PRKAA2: variants seen among roughly 807,000 people sequenced by gnomAD.
The protein encoded by PRKAA2 is 5'-AMP-activated protein kinase catalytic subunit alpha-2.
PRKAA2 carries 40 observed loss-of-function variants against 56.3 expected under a neutral mutation model. The observed-to-expected ratio is 0.71, with a 90% CI of 0.55 to 0.92. PRKAA2 has a LOEUF of 0.92. Among genes scored for constraint, PRKAA2 ranks in the 40% least tolerant of loss-of-function variants. The probability of loss-of-function intolerance (pLI) is 0.00; values close to 1 mark genes in which losing one functional copy is unlikely to be tolerated. For missense variants in PRKAA2, 542 were observed against 686.9 expected (o/e 0.79, Z 2.36); for synonymous variants, 214 against 234.2 (o/e 0.91, Z 0.79).
At chr1:56,689,838 A>T (rs1644215035) in intron 2 of PRKAA2, among the ~76,000 whole-genome samples, 2 of 151,236 alleles carry the variant, frequency 1.3e-5, no homozygotes, top group Admixed American at 6.6e-5. Flanking sequence ...AATAAAGCTA[A>T]TTTTTTTTCT....
chr1:56,658,686 A>G (rs1447859817), intron 1 of PRKAA2, among the ~76,000 whole-genome samples: 2 of 147,260 alleles, frequency 1.4e-5, no homozygotes, highest in Non-Finnish European at 3.0e-5. Flanking sequence ...ATCATAGCTC[A>G]CTGTAATCTC....
intron 6 of PRKAA2, among the ~76,000 whole-genome samples, chr1:56,703,363 A>T (rs528133053): frequency 2.0e-5 from 3 of 152,306 alleles, no homozygotes; most frequent in Non-Finnish European, 4.4e-5. Context: ...ATGAAAAATA[A>T]CCATATTTTC....
At chr1:56,656,048 TAGC>T (rs1393916715) in intron 1 of PRKAA2, among the ~76,000 whole-genome samples, 5 of 152,194 alleles carry the variant, frequency 3.3e-5, no homozygotes, top group African/African-American at 1.2e-4. Flanking sequence ...TGGAGAATAT[TAGC>T]AGAGGACTGG....
Position 56,660,639 on chromosome 1 carries a change from G to A in PRKAA2, c.95-13742G>A, listed in dbSNP as rs775081044. ...GCATGCAAGTGAGCACCCTTGATAC[G>A]TTGTAATCAAGGAAACCTGATTATT... On this transcript the variant is annotated intron_variant, in intron 1 of 8. Transcript: ENST00000371244. Among the ~76,000 whole-genome samples, 96 of 152,190 alleles carry A rather than the reference G, an allele frequency of 6.3e-4. No individual in the cohort carries two copies. The Middle Eastern group carries it at 0.014, about 22-fold the overall frequency.
intron 1 of PRKAA2, among the ~76,000 whole-genome samples, chr1:56,663,646 T>A (rs1644012143): frequency 1.3e-5 from 2 of 152,226 alleles, no homozygotes; most frequent in African/African-American, 4.8e-5. Context: ...TGCTCAACTT[T>A]AACTTTTTAG....
At chr1:56,683,417 G>A (rs1469232981) in intron 2 of PRKAA2, among the ~76,000 whole-genome samples, 2 of 152,102 alleles carry the variant, frequency 1.3e-5, no homozygotes, top group Non-Finnish European at 2.9e-5. Context: ...GAGGAATATG[G>A]TGTATTGGGA....
chr1:56,683,206 T>C (rs1215196224), intron 2 of PRKAA2, among the ~76,000 whole-genome samples: 1 of 150,382 alleles, frequency 6.6e-6, no homozygotes, highest in African/African-American at 2.4e-5. Context: ...TAGAGAGATG[T>C]GAACATTAAG....
chr1:56,697,986 CTA>C (rs1334316836), intron 6 of PRKAA2, among the ~76,000 whole-genome samples: 1 of 150,548 alleles, frequency 6.6e-6, no homozygotes, highest in African/African-American at 2.4e-5. Context: ...TAACTTGAAT[CTA>C]TAGTTTTCAT....
At position 56,711,058 on chromosome 1, in the gene PRKAA2, TCTA is replaced by T. The variant is rs1327925150; in HGVS notation, c.*3346_*3348del. ...CCTGTTAAGAGACACTTTTGTAATC[TCTA>T]GTGTTTACATTCCTTTATACTAGCT... On this transcript the variant is annotated 3_prime_UTR_variant, in exon 9 of 9. Coordinates refer to ENST00000371244, the MANE Select transcript of PRKAA2 (RefSeq NM_006252.4). The T allele has an allele frequency of 6.6e-6, 1 of 152,104 alleles. No individual in the cohort carries two copies. Among genetic ancestry groups the T allele is most frequent in the Non-Finnish European group, 1.5e-5 (1 of 67,982 alleles). The allele number at this position is 152,104 out of a possible 1,614,324, so 9.4% of individuals were successfully genotyped here.
Position 56,704,174 on chromosome 1 carries a change from G to T in PRKAA2, c.992G>T (p.Arg331Leu). The T allele has an allele frequency of 6.2e-7, 1 of 1,614,056 alleles. No homozygotes were observed. The highest frequency in any genetic ancestry group is 1.1e-5 in the South Asian group (1 of 91,080). Residue 331 changes from arginine (R) to leucine (L), a missense_variant, in exon 7 of 9, where the codon CGG becomes CTG. This residue lies in a region of PRKAA2 where 198 missense variants were observed against 234.0 expected (regional missense o/e 0.85). Transcript: ENST00000371244. ...GCTTATCATCTTATCATTGACAATC[G>T]GAGAATAATGAACCAAGCCAGTGAG... is the stretch of plus-strand genomic sequence containing the variant. The part of the protein sequence containing the change: ...AVAYHLIIDN[R>L]RIMNQASEFY...
At chr1:56,673,967 T>G (rs1359581126) in intron 1 of PRKAA2, among the ~76,000 whole-genome samples, 1 of 151,198 alleles carries the variant, frequency 6.6e-6, no homozygotes, top group Non-Finnish European at 1.5e-5. Context: ...TGTGAATTTT[T>G]GATTTATTAC....
chr1:56,699,443 G>C (rs1377400338), intron 6 of PRKAA2, among the ~76,000 whole-genome samples: 1 of 152,004 alleles, frequency 6.6e-6, no homozygotes, highest in African/African-American at 2.4e-5. Context: ...TGCTCACTTT[G>C]GTAGAGTTAG....
At chr1:56,662,234 A>C (rs181475738) in intron 1 of PRKAA2, among the ~76,000 whole-genome samples, 1 of 152,218 alleles carries the variant, frequency 6.6e-6, no homozygotes, top group Non-Finnish European at 1.5e-5. Flanking sequence ...ATTTATAAGA[A>C]CTTGAATTTA....
intron 8 of PRKAA2, among the ~76,000 whole-genome samples, chr1:56,707,111 C>T (rs1229524647): frequency 6.6e-6 from 1 of 152,076 alleles, no homozygotes; most frequent in Non-Finnish European, 1.5e-5. Flanking sequence ...ATGATGGTGA[C>T]TTTTGTTTTT....
At chr1:56,681,285 A>T (rs1203294257) in intron 2 of PRKAA2, among the ~76,000 whole-genome samples, 1 of 151,914 alleles carries the variant, frequency 6.6e-6, no homozygotes, top group African/African-American at 2.4e-5. Flanking sequence ...GATTGCAAAA[A>T]TTTTCTCCCA....
intron 6 of PRKAA2, 75 bp downstream of exon 6, chr1:56,696,234 A>T (rs1482282554): frequency 3.5e-6 from 5 of 1,411,082 alleles, no homozygotes; most frequent in Non-Finnish European, 4.9e-6. Context: ...ATTCTCCCAA[A>T]GTCTCATTTC....
chr1:56,649,637 C>G (rs1260620978), intron 1 of PRKAA2, among the ~76,000 whole-genome samples: 1 of 152,068 alleles, frequency 6.6e-6, no homozygotes, highest in Non-Finnish European at 1.5e-5. Context: ...TGACTTTTTT[C>G]CTTTTTCTTA....
intron 1 of PRKAA2, among the ~76,000 whole-genome samples, chr1:56,654,605 G>T (rs1005523179): frequency 3.3e-5 from 5 of 152,052 alleles, no homozygotes. Flanking sequence ...CTTAAATCAG[G>T]CTTTTATTTT....
intron 8 of PRKAA2, among the ~76,000 whole-genome samples, 176 bp from the exon 9 acceptor site, chr1:56,707,299 G>A (rs1359936451): frequency 6.6e-6 from 1 of 152,138 alleles, no homozygotes; most frequent in East Asian, 1.9e-4. Context: ...AGCGATGTTT[G>A]TTATGATTGT....
Sources: allele counts gnomAD v4.1 joint callset (sites outside exome capture counted in the v4.1 genomes callset), GRCh38; gene constraint gnomAD v4.1.1; regional missense constraint gnomAD v4.1.1; transcripts MANE v1.5; gene names NCBI Gene and HGNC (gene_info 2026-07-23, HGNC 2026-07-21).